The following WDR70 variants were observed in gnomAD, a reference collection of about 807,000 sequenced individuals.
The protein encoded by WDR70 is WD repeat domain 70, also known as WD repeat-containing protein 70.
Under a neutral mutation model 88.6 loss-of-function variants are expected in WDR70, and 53 were observed. That is an observed-to-expected ratio of 0.60 (90% CI 0.48 to 0.75). The LOEUF (loss-of-function observed/expected upper bound fraction) is 0.75. Among genes scored for constraint, WDR70 ranks in the 30% least tolerant of loss-of-function variants. The pLI, the probability that WDR70 is intolerant of heterozygous loss-of-function variation, is 0.00. For synonymous variants in WDR70, 280 were observed against 270.0 expected (o/e 1.04, Z -0.36); for missense variants, 610 against 823.2 (o/e 0.74, Z 3.17).
At chr5:37,682,761 A>G (rs1422721218) in intron 10 of WDR70, among the ~76,000 whole-genome samples, 2 of 152,062 alleles carry the variant, frequency 1.3e-5, no homozygotes. Context: ...CTTGATTCCT[A>G]ATTTTATTCA....
intron 8 of WDR70, among the ~76,000 whole-genome samples, chr5:37,501,182 C>T (rs1293283600): frequency 6.6e-6 from 1 of 152,084 alleles, no homozygotes; most frequent in Non-Finnish European, 1.5e-5. Context: ...GCATAGTTTG[C>T]AAATATTTTT....
At chr5:37,690,285 T>A (rs775973646) in intron 10 of WDR70, among the ~76,000 whole-genome samples, 1 of 152,196 alleles carries the variant, frequency 6.6e-6, no homozygotes, top group Non-Finnish European at 1.5e-5. Context: ...TGGAAAACTG[T>A]CTTCAGGATA....
chr5:37,513,723 G>A (rs190890046), intron 8 of WDR70, among the ~76,000 whole-genome samples: 43 of 152,218 alleles, frequency 2.8e-4, no homozygotes, highest in Admixed American at 3.3e-4. Context: ...GGAGAAAGAC[G>A]TAGGCTGGGA....
chr5:37,440,308 T>C (rs1750614487), intron 6 of WDR70, among the ~76,000 whole-genome samples: 1 of 152,182 alleles, frequency 6.6e-6, no homozygotes, highest in Non-Finnish European at 1.5e-5. Context: ...AATATAAATG[T>C]TAAAACTGAA....
At chr5:37,642,062 T>C (rs1481919971) in intron 10 of WDR70, among the ~76,000 whole-genome samples, 1 of 152,208 alleles carries the variant, frequency 6.6e-6, no homozygotes, top group African/African-American at 2.4e-5. Context: ...GGTACCTGTT[T>C]ACTTAGAGTG....
At chr5:37,415,586 G>T (rs1424504914) in intron 5 of WDR70, among the ~76,000 whole-genome samples, 2 of 141,320 alleles carry the variant, frequency 1.4e-5, no homozygotes, top group Non-Finnish European at 3.1e-5. Context: ...CTCCCTCCCG[G>T]ACGGGGCGGC....
At chr5:37,681,078 T>C (rs1395824750) in intron 10 of WDR70, among the ~76,000 whole-genome samples, 1 of 152,206 alleles carries the variant, frequency 6.6e-6, no homozygotes, top group Non-Finnish European at 1.5e-5. Flanking sequence ...GAGCATGGAA[T>C]GTTTTTCCAT....
intron 17 of WDR70, among the ~76,000 whole-genome samples, chr5:37,744,786 T>TA (rs1466740439): frequency 2.6e-5 from 4 of 151,678 alleles, no homozygotes; most frequent in African/African-American, 4.8e-5. Context: ...GGGACTTCAT[T>TA]AAAAAAACGA....
intron 17 of WDR70, among the ~76,000 whole-genome samples, chr5:37,751,920 C>T (rs1748824938): frequency 6.6e-6 from 1 of 152,164 alleles, no homozygotes; most frequent in African/African-American, 2.4e-5. Flanking sequence ...CTTGGCATTT[C>T]CATGCATTGG....
chr5:37,712,827 T>C (rs745880179), intron 13 of WDR70, among the ~76,000 whole-genome samples: 9 of 152,052 alleles, frequency 5.9e-5, no homozygotes, highest in Non-Finnish European at 1.2e-4. Context: ...TCAGCCTCTC[T>C]AATAGCTGGG....
At chr5:37,639,851 T>C (rs902886178) in intron 10 of WDR70, among the ~76,000 whole-genome samples, 2 of 152,212 alleles carry the variant, frequency 1.3e-5, no homozygotes, top group Non-Finnish European at 2.9e-5. Flanking sequence ...AATAAAACAA[T>C]AGCTGTTATT....
intron 9 of WDR70, among the ~76,000 whole-genome samples, chr5:37,573,815 A>G (rs1019311133): frequency 7.2e-5 from 11 of 152,190 alleles, no homozygotes; most frequent in African/African-American, 2.6e-4. Flanking sequence ...CAGGGTTCTC[A>G]GTGACCTTCA....
chr5:37,676,766 A>AT (rs1296703729), intron 10 of WDR70, among the ~76,000 whole-genome samples: 5 of 151,350 alleles, frequency 3.3e-5, no homozygotes, highest in African/African-American at 1.2e-4. Context: ...GTTAGGGAGG[A>AT]TTCCCTCTTT....
chr5:37,436,519 T>C (rs1750471632), intron 5 of WDR70, among the ~76,000 whole-genome samples: 1 of 152,184 alleles, frequency 6.6e-6, no homozygotes, highest in African/African-American at 2.4e-5. Context: ...TTCGTGTATG[T>C]AGATTAAGTT....
At chr5:37,550,622 G>A (rs114319322) in intron 9 of WDR70, among the ~76,000 whole-genome samples, 3 of 152,270 alleles carry the variant, frequency 2.0e-5, no homozygotes, top group Non-Finnish European at 4.4e-5. Flanking sequence ...TTCAGTCTGT[G>A]TGTCTTTATA....
chr5:37,640,044 G>A (rs1313030045), intron 10 of WDR70, among the ~76,000 whole-genome samples: 1 of 152,078 alleles, frequency 6.6e-6, no homozygotes, highest in African/African-American at 2.4e-5. Context: ...AGAAACCCAG[G>A]TGTGTCTGAT....
intron 9 of WDR70, among the ~76,000 whole-genome samples, chr5:37,524,127 G>C (rs1741183222): frequency 6.6e-6 from 1 of 152,088 alleles, no homozygotes; most frequent in African/African-American, 2.4e-5. Flanking sequence ...GAACTACAGA[G>C]AACACCACAA....
intron 9 of WDR70, among the ~76,000 whole-genome samples, chr5:37,554,038 C>T (rs1742224401): frequency 6.6e-6 from 1 of 151,516 alleles, no homozygotes; most frequent in Non-Finnish European, 1.5e-5. Context: ...AACAGCCTTC[C>T]ACAGAGACAG....
chr5:37,746,664 T>C (rs1280444479), intron 17 of WDR70, among the ~76,000 whole-genome samples: 1 of 151,886 alleles, frequency 6.6e-6, no homozygotes, highest in African/African-American at 2.4e-5. Context: ...AACTAGAAAA[T>C]CTAGAAGAAA....
Sources: gnomAD v4.1 joint callset for allele counts (sites outside exome capture counted in the v4.1 genomes callset) on GRCh38, gnomAD v4.1.1 for gene constraint, MANE v1.5 for transcripts, NCBI Gene and HGNC (gene_info 2026-07-23, HGNC 2026-07-21) for gene names.